Variants in KRT8 observed in about 807,000 individuals in gnomAD.
The protein encoded by KRT8 is keratin, type II cytoskeletal 8.
KRT8 carries 24 observed loss-of-function variants against 43.0 expected under a neutral mutation model. The ratio of observed to expected loss-of-function variants is 0.56; its 90% CI spans 0.40 to 0.78. KRT8 has a LOEUF of 0.78. Among genes scored for constraint, KRT8 ranks in the 30% least tolerant of loss-of-function variants. The pLI is 0.00. For missense variants in KRT8, 492 were observed against 638.4 expected (o/e 0.77, Z 2.47); for synonymous variants, 214 against 261.2 (o/e 0.82, Z 1.74).
At chr12:52,907,299 T>A (rs1219097033), upstream of KRT8, among the ~76,000 whole-genome samples, 1 of 152,116 alleles carries the variant, frequency 6.6e-6, no homozygotes, top group Admixed American at 6.5e-5. Context: ...GGAGAAGGAC[T>A]GGGCCCAGTG....
At chr12:52,901,608 C>G (rs533422848) in intron 2 of KRT8, 2 of 585,922 alleles carry the variant, frequency 3.4e-6, no homozygotes, top group Admixed American at 5.9e-5. Flanking sequence ...TCAGGTTTAC[C>G]ATGTCAACAT....
chr12:52,938,163 TATATA>T (rs1184163877), intron 2 of KRT8, among the ~76,000 whole-genome samples: 464 of 38,376 alleles, frequency 0.012, 6 homozygotes, highest in Non-Finnish European at 0.016. Context: ...TATATATATA[TATATA>T]TATTTTTTTT....
chr12:52,945,761 CT>C (rs1225264884), intron 2 of KRT8, among the ~76,000 whole-genome samples: 2 of 152,142 alleles, frequency 1.3e-5, no homozygotes, highest in Non-Finnish European at 2.9e-5. Context: ...GGATTCCCCC[CT>C]GCCGAGGCTC....
chr12:52,917,708 C>CAAAAAAAAAAA (rs535303270), intron 2 of KRT8, among the ~76,000 whole-genome samples: 7 of 29,960 alleles, frequency 2.3e-4, no homozygotes, highest in South Asian at 1.4e-3. Context: ...GACTCTGTCT[C>CAAAAAAAAAAA]AAAAAAAAAA....
Position 52,900,686 on chromosome 12 carries a change from G to A in KRT8, c.595-3C>T, listed in dbSNP as rs752237217. On this transcript the variant is annotated splice_polypyrimidine_tract_variant and splice_region_variant and intron_variant, in intron 3 of 7. Transcript: ENST00000692008. ...TTCATGTAAGCTTCATCCACATCCT[G>A]GGGGATGAGGAGAGGGGAGCCTGAG... 2.5e-6 allele frequency: 4 copies of A among 1,599,994 alleles called. No individual in the cohort carries two copies. The highest frequency in any genetic ancestry group is 3.4e-6 in the Non-Finnish European group (4 of 1,169,030).
exon 1 of KRT8, chr12:52,949,801 AG>A (rs1362427833): frequency 2.8e-6 from 2 of 709,212 alleles, no homozygotes; most frequent in East Asian, 5.4e-5. Flanking sequence ...GAGAGGGGGA[AG>A]GGGACAGGGT....
At chr12:52,948,420 G>T (rs1942383711) in intron 2 of KRT8, 2 of 152,406 alleles carry the variant, frequency 1.3e-5, no homozygotes, top group Admixed American at 1.3e-4. Flanking sequence ...AATTTGGGCT[G>T]CAGGTTAAGG....
chr12:52,899,864 C>T (rs1941319782), exon 5 of KRT8: 6 of 1,612,398 alleles, frequency 3.7e-6, no homozygotes, highest in Middle Eastern at 2.1e-4. Flanking sequence ...CGCAGGTCAT[C>T]CCCGTGCTTC....
intron 2 of KRT8, among the ~76,000 whole-genome samples, chr12:52,921,373 C>A (rs10219651): frequency 0.14 from 22,029 of 152,094 alleles, 2,368 homozygotes; most frequent in East Asian, 0.48. Context: ...AGGACCAGTA[C>A]TTCTTGCTCA....
intron 2 of KRT8, among the ~76,000 whole-genome samples, chr12:52,938,153 T>TAC (rs1942201879): frequency 2.1e-5 from 1 of 46,568 alleles, no homozygotes; most frequent in African/African-American, 1.0e-4. Flanking sequence ...TATATATATA[T>TAC]ATATATATAT....
At chr12:52,901,121 C>T (rs776298996) in intron 3 of KRT8, 38 bp downstream of exon 3, 1 of 1,449,804 alleles carries the variant, frequency 6.9e-7, no homozygotes, top group East Asian at 2.3e-5. Context: ...TGAGCCCCAG[C>T]CTCCAGTGTC....
upstream of KRT8, among the ~76,000 whole-genome samples, chr12:52,907,415 C>A (rs995639678): frequency 6.6e-6 from 1 of 152,182 alleles, no homozygotes; most frequent in South Asian, 2.1e-4. Flanking sequence ...TTCCCTCCCC[C>A]ACGCTGCTGT....
At chr12:52,903,266 ATAT>A (rs201855423) in intron 1 of KRT8, among the ~76,000 whole-genome samples, 54,984 of 151,656 alleles carry the variant, frequency 0.36, 10,203 homozygotes, top group Middle Eastern at 0.41. Context: ...AGGGGCTCTC[ATAT>A]TCATTTTATA....
At position 52,937,664 on chromosome 12, in the gene KRT8, G is replaced by A. The variant is rs1169666351; in HGVS notation, c.-47+11792C>T. Among the ~76,000 whole-genome samples, 4 of 151,054 alleles carry A rather than the reference G, an allele frequency of 2.6e-5. No individual in the cohort carries two copies. The East Asian group carries it at 7.8e-4, about 29-fold the overall frequency. Reference sequence around the variant, plus strand: ...GATCCCGCCACTGTACTCCAGCCTGGGTGAGGGAGTGAAACTCTGTCTCAA... The same window carrying A: ...GATCCCGCCACTGTACTCCAGCCTGAGTGAGGGAGTGAAACTCTGTCTCAA... On this transcript the variant is annotated intron_variant, in intron 2 of 6. Transcript: ENST00000546826.
At chr12:52,944,391 G>T (rs752672923) in intron 2 of KRT8, among the ~76,000 whole-genome samples, 1 of 152,158 alleles carries the variant, frequency 6.6e-6, no homozygotes, top group Non-Finnish European at 1.5e-5. Flanking sequence ...CCACCTGGCC[G>T]AATCCAGGTC....
chr12:52,899,938 C>T (rs372070835), exon 5 of KRT8: 220 of 1,613,230 alleles, frequency 1.4e-4, no homozygotes, highest in Non-Finnish European at 1.8e-4. Context: ...AGCCCGGCTG[C>T]GGTTGGCAAT....
intron 2 of KRT8, chr12:52,949,218 C>T: frequency 6.2e-7 from 1 of 1,611,768 alleles, no homozygotes; most frequent in Non-Finnish European, 8.5e-7. Flanking sequence ...ACTACCGGTC[C>T]CTGGGCTCTG....
intron 4 of KRT8, 69 bp from the exon 5 acceptor site, chr12:52,900,134 C>G: frequency 2.6e-6 from 4 of 1,528,668 alleles, no homozygotes; most frequent in Non-Finnish European, 3.6e-6. Flanking sequence ...TCCACAACAG[C>G]CTTTCTTAGG....
chr12:52,918,518 C>T (rs946080686), intron 2 of KRT8, among the ~76,000 whole-genome samples: 2 of 152,208 alleles, frequency 1.3e-5, no homozygotes, highest in African/African-American at 2.4e-5. Flanking sequence ...GCAGCTGCCC[C>T]GAGCCTGCCC....
Sources: gnomAD v4.1 joint callset for allele counts (sites outside exome capture counted in the v4.1 genomes callset) on GRCh38, gnomAD v4.1.1 for gene constraint, MANE v1.5 for transcripts, NCBI Gene and HGNC (gene_info 2026-07-23, HGNC 2026-07-21) for gene names.